The following DHX37 variants were observed in gnomAD, a reference collection of about 807,000 sequenced individuals.
DHX37 encodes the protein probable ATP-dependent RNA helicase DHX37.
In DHX37, 52 loss-of-function variants were observed where a neutral mutation model predicts 134.3. The observed-to-expected ratio is 0.39, with a 90% CI of 0.31 to 0.49. The LOEUF (loss-of-function observed/expected upper bound fraction) is 0.49, where lower values mean the gene tolerates loss of function less well. Among genes scored for constraint, DHX37 ranks in the 20% least tolerant of loss-of-function variants. The probability of loss-of-function intolerance (pLI) is 0.93; values close to 1 mark genes in which losing one functional copy is unlikely to be tolerated. For missense variants in DHX37, 1,344 were observed against 1,580.8 expected, an observed-to-expected ratio of 0.85 and a Z score of 2.54; for synonymous variants, 634 against 670.7, an observed-to-expected ratio of 0.95 and a Z score of 0.85.
At chr12:124,970,719 G>A (rs1954500511) in intron 8 of DHX37, among the ~76,000 whole-genome samples, 1 of 152,214 alleles carries the variant, frequency 6.6e-6, no homozygotes. Flanking sequence ...ACAGCGTCTT[G>A]TTCACTGTTG....
At position 124,980,465 on chromosome 12, in the gene DHX37, T is replaced by C. The variant is rs1954734311; in HGVS notation, c.738+25A>G. On this transcript the variant is annotated intron_variant, in intron 4 of 26. Transcript: ENST00000308736. The surrounding 1 kb of genome is among the most constrained non-coding windows in gnomAD (Gnocchi z 5.3). ...CCCCTTGCCCGCTAACCTAGATTCT[T>C]AATCACAAACACGGGGTGGCGAACC... The C allele has an allele frequency of 6.2e-7, 1 of 1,600,958 alleles. No homozygotes were observed.
chr12:124,970,342 C>T (rs942510800), intron 8 of DHX37, among the ~76,000 whole-genome samples: 27 of 152,168 alleles, frequency 1.8e-4, no homozygotes, highest in Non-Finnish European at 8.8e-5. Context: ...ACTCTGTGAA[C>T]GGACTAAAAA....
At chr12:124,970,143 T>A (rs929738778) in intron 8 of DHX37, among the ~76,000 whole-genome samples, 3 of 152,152 alleles carry the variant, frequency 2.0e-5, no homozygotes, top group African/African-American at 4.8e-5. Flanking sequence ...TGGCTAATTT[T>A]TCGTTTTTTT....
chr12:124,968,674 G>C (rs1296769573), intron 9 of DHX37, 26 bp from the exon 10 acceptor site: 2 of 1,612,786 alleles, frequency 1.2e-6, no homozygotes, highest in East Asian at 2.2e-5. Context: ...GAAGGCATGG[G>C]GAGTGGGGGG....
Position 124,960,427 on chromosome 12 carries a change from G to C in DHX37, c.2046-4C>G, listed in dbSNP as rs377699099. On this transcript the variant is annotated splice_region_variant and splice_polypyrimidine_tract_variant and intron_variant, in intron 15 of 26. Coordinates refer to ENST00000308736, the MANE Select transcript of DHX37 (RefSeq NM_032656.4). ...AAAAACCGCAGATGAATACAGCCTG[G>C]ATGGAGAGAAACCGGGACAACAAAC... 1.9e-6 allele frequency: 3 copies of C among 1,608,450 alleles called. No individual in the cohort carries two copies. Among genetic ancestry groups the C allele is most frequent in the African/African-American group, 1.3e-5 (1 of 74,924 alleles).
chr12:124,948,455 C>G (rs1483803479), intron 25 of DHX37: 2 of 565,410 alleles, frequency 3.5e-6, no homozygotes, highest in Non-Finnish European at 6.1e-6. Context: ...GTCTCAAAAA[C>G]AAACAAACTG....
chr12:124,989,067 G>A lies in DHX37; in HGVS notation c.-45C>T. 1.6e-6 allele frequency: 2 copies of A among 1,271,672 alleles called. No homozygotes were observed. The highest frequency in any genetic ancestry group is 3.1e-5 in the East Asian group (1 of 32,616). The allele number at this position is 1,271,672 out of a possible 1,614,324, so 78.8% of individuals were successfully genotyped here. A position where few individuals can be genotyped will look rare whatever the true frequency, so the allele number is the denominator to read the frequency against. ...GCGCTCCAGCGGCCGGACCAGCAGA[G>A]CAATCCGAAACCCAGCCCACGTGGG... On this transcript the variant is annotated 5_prime_UTR_variant, in exon 1 of 27. Coordinates refer to ENST00000308736, the MANE Select transcript of DHX37 (RefSeq NM_032656.4).
rs1413179950 is a variant in DHX37, at chr12:124,973,585, T to TG, written c.981-987dup. On this transcript the variant is annotated intron_variant, in intron 6 of 26. Coordinates refer to ENST00000308736, the MANE Select transcript of DHX37 (RefSeq NM_032656.4). ...TTATTACAACTGGGTCTTGGGTACC[T>TG]GGGGGCTCATTATACTATCCTTTCT... 2.1e-4 allele frequency among the ~76,000 whole-genome samples: 31 copies of TG among 145,940 alleles called. No individual in the cohort carries two copies. In the South Asian group the frequency reaches 2.9e-3, roughly 14 times the overall value.
rs1953893212 is a variant in DHX37, at chr12:124,947,178, A to C, written c.*624T>G. ...TGGCAGCGGTGACCAAGCACAGCCA[A>C]CGTCAGCTCCGCTCCCTGCCGTCTG... On this transcript the variant is annotated 3_prime_UTR_variant, in exon 27 of 27. Coordinates refer to ENST00000308736, the MANE Select transcript of DHX37 (RefSeq NM_032656.4). The C allele has an allele frequency of 6.6e-6, 1 of 152,360 alleles. No individual in the cohort carries two copies. The highest frequency in any genetic ancestry group is 6.5e-5 in the Admixed American group (1 of 15,286). The allele number at this position is 152,360 out of a possible 1,614,324, so 9.4% of individuals were successfully genotyped here. A position where few individuals can be genotyped will look rare whatever the true frequency, so the allele number is the denominator to read the frequency against.
chr12:124,958,824 C>T (rs1476602413), intron 16 of DHX37, among the ~76,000 whole-genome samples: 1 of 151,656 alleles, frequency 6.6e-6, no homozygotes, highest in African/African-American at 2.4e-5. Flanking sequence ...CGGAGTTTCA[C>T]CATATTGGCC....
chr12:124,958,676 G>C (rs1049524407), intron 16 of DHX37, among the ~76,000 whole-genome samples: 9 of 152,066 alleles, frequency 5.9e-5, no homozygotes, highest in Non-Finnish European at 1.2e-4. Context: ...GCCCAGGCTA[G>C]AGTGCAACGG....
rs201962215 is a variant in DHX37, at chr12:124,985,744, A to AT, written c.276+351dup. Among the ~76,000 whole-genome samples the AT allele has an allele frequency of 1.6e-4, 24 of 148,424 alleles. No individual in the cohort carries two copies. The East Asian group carries it at 1.8e-3, about 11-fold the overall frequency. On this transcript the variant is annotated intron_variant, in intron 2 of 26. Transcript: ENST00000308736. ...CAAGACTCCATCTCAAAAAAAAAAAATTTTTTTAAGGTTTGGTAGAGCCAG... is the reference window on the plus strand; with the variant it reads ...CAAGACTCCATCTCAAAAAAAAAAAATTTTTTTTAAGGTTTGGTAGAGCCAG...
At chr12:124,965,938 G>C in intron 12 of DHX37, 126 bp from the exon 13 acceptor site, 1 of 1,219,268 alleles carries the variant, frequency 8.2e-7, no homozygotes, top group Non-Finnish European at 1.1e-6. Flanking sequence ...TGCAACCCGG[G>C]GCAGGCCACA....
Position 124,957,060 on chromosome 12 carries a change from C to G in DHX37, c.2233G>C (p.Gly745Arg). Residue 745 changes from glycine to arginine, a missense_variant, in exon 17 of 27, where the codon GGT becomes CGT. This residue lies in a region of DHX37 where 558 missense variants were observed against 650.0 expected (regional missense o/e 0.86). Transcript: ENST00000308736. ...GCTTTCTGGGGCGGTTGCAGGGCAC[C>G]CAGTGCGATCAACAGCTCCTCGGCG... The part of the protein sequence containing the change: ...LAAEELLIAL[G>R]ALQPPQKAER... 6.6e-7 allele frequency: 1 copy of G among 1,508,562 alleles called. No individual in the cohort carries two copies. The highest frequency in any genetic ancestry group is 8.8e-7 in the Non-Finnish European group (1 of 1,133,356). 93.4% of individuals were successfully genotyped at this position (1,508,562 alleles called of 1,614,324 possible).
chr12:124,964,841 G>A, intron 14 of DHX37, 89 bp downstream of exon 14: 1 of 1,462,674 alleles, frequency 6.8e-7, no homozygotes, highest in South Asian at 1.3e-5. Context: ...TCAAACAGCA[G>A]ATGGAGAGGA....
In DHX37 at chr12:124,980,051, GA is replaced by G. The variant is rs554350311; in HGVS notation, c.738+438del. 5.3e-5 allele frequency among the ~76,000 whole-genome samples: 8 copies of G among 152,228 alleles called. No homozygotes were observed. The highest frequency in any genetic ancestry group is 8.8e-5 in the Non-Finnish European group (6 of 68,034). On this transcript the variant is annotated intron_variant, in intron 4 of 26. Transcript: ENST00000308736. The surrounding 1 kb of genome is among the most constrained non-coding windows in gnomAD (Gnocchi z 5.3). ...GTGAGACACTCATTGTACCAGGAAG[GA>G]AACAGGCACAGAGAGGGGGAGCCCC...
intron 18 of DHX37, among the ~76,000 whole-genome samples, chr12:124,954,944 C>T (rs1246004271): frequency 1.3e-5 from 2 of 152,176 alleles, no homozygotes; most frequent in Non-Finnish European, 2.9e-5. Context: ...CAGAGTGGTA[C>T]AGTCACTTGC....
Position 124,968,604 on chromosome 12 carries a change from C to G in DHX37, c.1338G>C (p.Arg446=), listed in dbSNP as rs773066881. Residue 446 remains arginine (R), a synonymous_variant, in exon 10 of 27, where the codon CGG becomes CGC. Transcript: ENST00000308736. The part of the protein sequence containing the change: ...QFPVTVHFNK[R]TPLEDYSGEC... ...CGCCACTGTAGTCTTCCAGCGGTGTCCGCTTGTTGAAATGCACAGTCACTG... is the reference window on the plus strand; with the variant it reads ...CGCCACTGTAGTCTTCCAGCGGTGTGCGCTTGTTGAAATGCACAGTCACTG... 6.2e-7 allele frequency: 1 copy of G among 1,614,142 alleles called. No individual in the cohort carries two copies. Among genetic ancestry groups the G allele is most frequent in the Non-Finnish European group, 8.5e-7 (1 of 1,180,050 alleles).
At position 124,950,153 on chromosome 12, in the gene DHX37, C is replaced by T; in HGVS notation, c.3212G>A (p.Gly1071Glu). Residue 1071 changes from glycine to glutamate, a missense_variant, in exon 24 of 27, where the codon GGG becomes GAG. Transcript: ENST00000308736. Reference protein sequence around the residue: ...YKHFARFLLEGQVFRKLASYR... With the variant: ...YKHFARFLLEEQVFRKLASYR... The stretch of plus-strand genomic sequence containing the variant: ...TGGAGCCGCTGTGCCACCTACCTGC[C>T]CTTCCAGCAGGAACCGGGCAAAGTG... The T allele has an allele frequency of 6.2e-7, 1 of 1,614,086 alleles. No individual in the cohort carries two copies. The highest frequency in any genetic ancestry group is 8.5e-7 in the Non-Finnish European group (1 of 1,180,048).
Sources: allele counts gnomAD v4.1 joint callset (sites outside exome capture counted in the v4.1 genomes callset), GRCh38; gene constraint gnomAD v4.1.1; regional missense constraint gnomAD v4.1.1; non-coding constraint Gnocchi (gnomAD v3.1); transcripts MANE v1.5; gene names NCBI Gene and HGNC (gene_info 2026-07-23, HGNC 2026-07-21).